Variants in USP45 observed in about 807,000 individuals in gnomAD.
USP45 encodes ubiquitin carboxyl-terminal hydrolase 45.
A neutral mutation model predicts 95.8 loss-of-function variants in USP45; 89 were observed. The ratio of observed to expected loss-of-function variants is 0.93; its 90% confidence interval spans 0.78 to 1.11. The LOEUF is 1.11. USP45 is among the 50% of genes least tolerant of loss of function. USP45 has a pLI of 0.00. For missense variants in USP45, 898 were observed against 942.5 expected (o/e 0.95, Z 0.62); for synonymous variants, 281 against 316.2 (o/e 0.89, Z 1.18).
chr6:99,470,816 A>G (rs1789215591), intron 9 of USP45, among the ~76,000 whole-genome samples: 1 of 152,214 alleles, frequency 6.6e-6, no homozygotes, highest in East Asian at 1.9e-4. Flanking sequence ...AAATTCCAAT[A>G]AATACCAATG....
intron 13 of USP45, among the ~76,000 whole-genome samples, chr6:99,458,051 C>T (rs796531128): frequency 1.4e-4 from 22 of 152,116 alleles, no homozygotes; most frequent in African/African-American, 5.1e-4. Flanking sequence ...GATGGAGTCT[C>T]GCTCTGTTGC....
intron 5 of USP45, among the ~76,000 whole-genome samples, chr6:99,495,958 T>C (rs1202353460): frequency 1.3e-5 from 2 of 152,208 alleles, no homozygotes; most frequent in Non-Finnish European, 2.9e-5. Flanking sequence ...TTACTGTGTT[T>C]TGTAGTATCG....
At chr6:99,448,172 C>T (rs189244096) in intron 13 of USP45, among the ~76,000 whole-genome samples, 11 of 152,172 alleles carry the variant, frequency 7.2e-5, no homozygotes, top group South Asian at 2.1e-4. Context: ...TCGCCAGCAA[C>T]GGAACAAAGC....
chr6:99,494,376 C>T (rs1219733153), intron 5 of USP45, among the ~76,000 whole-genome samples: 1 of 152,168 alleles, frequency 6.6e-6, no homozygotes, highest in Admixed American at 6.5e-5. Context: ...AGCCTATAAT[C>T]TGAGTCCTCA....
At chr6:99,439,387 C>T (rs1015839415) in intron 16 of USP45, among the ~76,000 whole-genome samples, 1 of 152,220 alleles carries the variant, frequency 6.6e-6, no homozygotes, top group Non-Finnish European at 1.5e-5. Context: ...AGACAATTCA[C>T]TTCTACACTG....
chr6:99,438,586 T>G (rs1780946448), intron 16 of USP45, among the ~76,000 whole-genome samples: 1 of 152,182 alleles, frequency 6.6e-6, no homozygotes. Context: ...CCAGTCCTTA[T>G]CTGGATAATA....
intron 1 of USP45, 120 bp from the exon 2 acceptor site, chr6:99,510,350 C>G: frequency 3.1e-6 from 2 of 645,898 alleles, no homozygotes; most frequent in South Asian, 2.2e-5. Flanking sequence ...GGGAAATCAA[C>G]AGAGGAAGAA....
At chr6:99,500,281 T>A (rs1181824913) in intron 5 of USP45, among the ~76,000 whole-genome samples, 1 of 152,116 alleles carries the variant, frequency 6.6e-6, no homozygotes, top group African/African-American at 2.4e-5. Context: ...TGTGCCACTA[T>A]GCTCAGCTAA....
rs899504207 is a variant in USP45 at position 99,433,823 on chromosome 6, A to G, written c.*1893T>C. On this transcript the variant is annotated 3_prime_UTR_variant, in exon 18 of 18. Coordinates refer to ENST00000500704, the MANE Select transcript of USP45 (RefSeq NM_001346022.3). The stretch of plus-strand genomic sequence containing the variant: ...TTGTCTTTGAAACAAGAAACAAGTG[A>G]CCATCCGATGAAAAGTGCATGCCTC... 1.1e-4 allele frequency: 16 copies of G among 152,232 alleles called. No homozygotes were observed. The highest frequency in any genetic ancestry group is 3.6e-4 in the African/African-American group (15 of 41,460). 9.4% of individuals were successfully genotyped at this position (152,232 alleles called of 1,614,324 possible).
chr6:99,457,357 C>G (rs1381392619), intron 13 of USP45, among the ~76,000 whole-genome samples: 1 of 152,140 alleles, frequency 6.6e-6, no homozygotes, highest in Non-Finnish European at 1.5e-5. Context: ...ACGTAACCTA[C>G]CGACATGTGA....
intron 14 of USP45, among the ~76,000 whole-genome samples, chr6:99,443,979 G>A (rs1206036753): frequency 6.6e-6 from 1 of 152,062 alleles, no homozygotes; most frequent in African/African-American, 2.4e-5. Context: ...AGAAGCACGT[G>A]TAGTTGAAGA....
intron 6 of USP45, 28 bp from the exon 7 acceptor site, chr6:99,488,323 A>G: frequency 6.8e-7 from 1 of 1,462,882 alleles, no homozygotes; most frequent in South Asian, 1.2e-5. Context: ...TAAAGTCTTC[A>G]GATTCAGTTA....
At chr6:99,461,147 G>A (rs1398110690) in intron 13 of USP45, 1 of 984,642 alleles carries the variant, frequency 1.0e-6, no homozygotes, top group Non-Finnish European at 1.2e-6. Flanking sequence ...CTTATGTGTT[G>A]AAGCAACTCA....
chr6:99,495,256 T>C (rs1299931741), intron 5 of USP45, among the ~76,000 whole-genome samples: 1 of 152,240 alleles, frequency 6.6e-6, no homozygotes, highest in African/African-American at 2.4e-5. Flanking sequence ...TATACAAAGA[T>C]ACAGCTTTGT....
intron 5 of USP45, among the ~76,000 whole-genome samples, chr6:99,496,359 A>G (rs1283081445): frequency 6.6e-6 from 1 of 152,052 alleles, no homozygotes; most frequent in Non-Finnish European, 1.5e-5. Flanking sequence ...TATTATACTC[A>G]GATGGAGTTT....
rs752938899 is a variant in USP45, at chr6:99,488,693, A to G, written c.606T>C (p.Asn202=). 10 of 1,600,304 alleles carry G rather than the reference A, an allele frequency of 6.2e-6. No individual in the cohort carries two copies. In the African/African-American group the frequency reaches 6.7e-5, roughly 11 times the overall value. Reference sequence around the variant, plus strand: ...TGATGACTCTTACCTGCATGACTGCATTAAAAAAGCAAGTATTTCCTAAAT... The same window carrying G: ...TGATGACTCTTACCTGCATGACTGCGTTAAAAAAGCAAGTATTTCCTAAAT... ...ITNLGNTCFF[N]AVMQNLAQTY... is the part of the protein sequence containing the mutation. The change falls in exon 6 of 18, where the codon AAT becomes AAC. Residue 202 remains asparagine (N), a synonymous_variant. Coordinates refer to ENST00000500704, the MANE Select transcript of USP45 (RefSeq NM_001346022.3).
intron 15 of USP45, 50 bp from the exon 16 acceptor site, chr6:99,439,905 TTG>T (rs1781210396): frequency 1.4e-6 from 2 of 1,449,022 alleles, no homozygotes; most frequent in African/African-American, 1.4e-5. Flanking sequence ...AAATAAAGCA[TTG>T]TCTTTGTTAA....
chr6:99,435,918 A>G (rs1166865616), intron 17 of USP45, 72 bp from the exon 18 acceptor site: 1 of 1,437,910 alleles, frequency 7.0e-7, no homozygotes, highest in Non-Finnish European at 9.3e-7. Flanking sequence ...TACAAACAAT[A>G]ACATATTCAT....
rs535253846 is a variant in USP45, at chr6:99,437,328, T to G, written c.2232A>C (p.Glu744Asp). The G allele has an allele frequency of 1.9e-6, 3 of 1,613,888 alleles. No homozygotes were observed. Among genetic ancestry groups the G allele is most frequent in the African/African-American group, 1.3e-5 (1 of 75,040 alleles). ...CTTTCACATAAGCAGTGTAGTGGCC[T>G]TCTCTCATCGAGCCACTATGTTCCA... ...GIVEHSGSMR[E>D]GHYTAYVKVR... Residue 744 changes from glutamate to aspartate, a missense_variant, in exon 17 of 18, where the codon GAA (glutamate) becomes GAC (aspartate). Transcript: ENST00000500704.
Sources: allele counts gnomAD v4.1 joint callset (sites outside exome capture counted in the v4.1 genomes callset), GRCh38; gene constraint gnomAD v4.1.1; transcripts MANE v1.5; gene names NCBI Gene and HGNC (gene_info 2026-07-23, HGNC 2026-07-21).